Variants in SRFBP1 observed in about 807,000 individuals in gnomAD.
The protein encoded by SRFBP1 is serum response factor-binding protein 1.
Under a neutral mutation model 45.5 loss-of-function variants are expected in SRFBP1, and 47 were observed. The ratio of observed to expected loss-of-function variants is 1.03; its 90% CI spans 0.82 to 1.32. The LOEUF is 1.32. Ranked by LOEUF, SRFBP1 falls within the 40% of genes most tolerant of loss-of-function variation. The probability of loss-of-function intolerance (pLI) is 0.00; values close to 1 mark genes in which losing one functional copy is unlikely to be tolerated. For missense variants in SRFBP1, 621 were observed against 484.6 expected (o/e 1.28, Z -2.64); for synonymous variants, 203 against 166.3 (o/e 1.22, Z -1.70).
At chr5:122,019,467 T>A in intron 5 of SRFBP1, 126 bp downstream of exon 5, 1 of 713,346 alleles carries the variant, frequency 1.4e-6, no homozygotes, top group Non-Finnish European at 2.2e-6. Context: ...TATTTACCAG[T>A]GTGGAAGGTG....
At chr5:121,974,735 A>G (rs923399172) in intron 2 of SRFBP1, among the ~76,000 whole-genome samples, 2 of 151,894 alleles carry the variant, frequency 1.3e-5, no homozygotes, top group South Asian at 4.1e-4. Flanking sequence ...ATTGTGTTCC[A>G]TGTAATTTTT....
chr5:122,058,155 A>G (rs1754114135), intron 2 of SRFBP1, among the ~76,000 whole-genome samples: 1 of 152,164 alleles, frequency 6.6e-6, no homozygotes, highest in Non-Finnish European at 1.5e-5. Context: ...TTATAGGGTA[A>G]TATTATTTAA....
chr5:122,025,772 AT>A (rs1482276935), intron 7 of SRFBP1, among the ~76,000 whole-genome samples: 3 of 152,142 alleles, frequency 2.0e-5, no homozygotes, highest in Non-Finnish European at 4.4e-5. Flanking sequence ...TTTATATAAC[AT>A]TTTTACATTT....
downstream of SRFBP1, among the ~76,000 whole-genome samples, chr5:122,029,526 G>C (rs1257952842): frequency 1.3e-5 from 2 of 152,100 alleles, no homozygotes; most frequent in Admixed American, 1.3e-4. Flanking sequence ...CTTTTTCTGT[G>C]TATTTCCTTC....
At chr5:122,049,468 G>C (rs975309090) in intron 2 of SRFBP1, among the ~76,000 whole-genome samples, 1 of 152,052 alleles carries the variant, frequency 6.6e-6, no homozygotes, top group Non-Finnish European at 1.5e-5. Flanking sequence ...ACAGATCAAC[G>C]AGACAGAAAG....
chr5:122,068,407 CTT>C (rs1377108398), intron 2 of SRFBP1, among the ~76,000 whole-genome samples: 1 of 152,116 alleles, frequency 6.6e-6, no homozygotes, highest in Non-Finnish European at 1.5e-5. Flanking sequence ...AGTTACCAAA[CTT>C]ATAGCAAAGG....
At chr5:121,978,325 G>C (rs1272321601) in intron 3 of SRFBP1, among the ~76,000 whole-genome samples, 1 of 152,082 alleles carries the variant, frequency 6.6e-6, no homozygotes, top group Admixed American at 6.6e-5. Context: ...TCAGTAAGTT[G>C]AGAACATCCT....
rs537117190 is a variant in SRFBP1, at chr5:121,962,660, C to T, written c.36+592C>T. ...TTTTTCTGCTTTTTCAGTCCATTCT[C>T]ATCAGACATTTGTTCTCACCACCGT... On this transcript the variant is annotated intron_variant, in intron 1 of 7. Coordinates refer to ENST00000339397, the MANE Select transcript of SRFBP1 (RefSeq NM_152546.3). Among the ~76,000 whole-genome samples, 9 of 152,310 alleles carry T rather than the reference C, an allele frequency of 5.9e-5. No individual in the cohort carries two copies. The South Asian group carries it at 1.9e-3, about 32-fold the overall frequency.
chr5:122,056,432 G>T (rs1754078715), intron 2 of SRFBP1, among the ~76,000 whole-genome samples: 1 of 152,168 alleles, frequency 6.6e-6, no homozygotes, highest in African/African-American at 2.4e-5. Context: ...CAAGCACTCA[G>T]TAAATATCAG....
chr5:121,987,943 A>C (rs1048680917), intron 3 of SRFBP1, among the ~76,000 whole-genome samples: 40 of 152,098 alleles, frequency 2.6e-4, no homozygotes, highest in Non-Finnish European at 5.6e-4. Context: ...AGGTTGTTCA[A>C]ACAAAGTCCC....
intron 2 of SRFBP1, chr5:122,065,175 G>T (rs777167012): frequency 6.6e-6 from 1 of 151,940 alleles, no homozygotes; most frequent in Non-Finnish European, 1.5e-5. Context: ...CGCTATATCC[G>T]CCAGTTGATG....
At chr5:121,975,724 G>C (rs984666134) in intron 3 of SRFBP1, among the ~76,000 whole-genome samples, 1 of 151,918 alleles carries the variant, frequency 6.6e-6, no homozygotes, top group African/African-American at 2.4e-5. Flanking sequence ...AAGTCTTCAT[G>C]CTATTTGGGA....
At chr5:121,966,130 A>C (rs925698569) in intron 1 of SRFBP1, among the ~76,000 whole-genome samples, 4 of 152,186 alleles carry the variant, frequency 2.6e-5, no homozygotes, top group Non-Finnish European at 5.9e-5. Context: ...TGTCTTCTGC[A>C]AATAGAGACA....
In SRFBP1 at chr5:122,009,261, C is replaced by T. The variant is rs531963837; in HGVS notation, c.271-9999C>T. On this transcript the variant is annotated intron_variant, in intron 4 of 7. Coordinates refer to ENST00000339397, the MANE Select transcript of SRFBP1 (RefSeq NM_152546.3). ...TGGTTTGTTTTCTTAATGATTTATA[C>T]GAGTTCTTTAGATATTTTGGAGTGA... Among the ~76,000 whole-genome samples the T allele has an allele frequency of 1.4e-4, 22 of 151,982 alleles. No homozygotes were observed. In the South Asian group the frequency reaches 4.4e-3, roughly 30 times the overall value.
At chr5:122,023,396 G>A (rs187725814) in intron 7 of SRFBP1, among the ~76,000 whole-genome samples, 18 of 152,250 alleles carry the variant, frequency 1.2e-4, no homozygotes, top group Admixed American at 6.5e-4. Flanking sequence ...CAAATCTCAT[G>A]GATGAGATTC....
chr5:121,966,323 C>G (rs1413551239), intron 1 of SRFBP1, among the ~76,000 whole-genome samples: 3 of 152,146 alleles, frequency 2.0e-5, no homozygotes, highest in Non-Finnish European at 4.4e-5. Context: ...TCACTTTTTA[C>G]TCTATCCTGA....
In SRFBP1 at chr5:122,020,797, T is replaced by C. The variant is rs1239827333; in HGVS notation, c.1062T>C (p.Ser354=). The part of the protein sequence containing the change: ...FFHSLSGSKS[S]RRNFKEQAPK... ...ACTCTTTATCTGGATCTAAAAGCTC[T>C]AGAAGGTAAGATTCTTTTTCTATTC... The change falls in exon 6 of 8, where the codon TCT becomes TCC. Residue 354 remains serine, a synonymous_variant. Transcript: ENST00000339397. 6.5e-7 allele frequency: 1 copy of C among 1,549,504 alleles called. No individual in the cohort carries two copies.
At chr5:122,035,757 C>G (rs1447417430) in intron 2 of SRFBP1, among the ~76,000 whole-genome samples, 1 of 152,100 alleles carries the variant, frequency 6.6e-6, no homozygotes, top group African/African-American at 2.4e-5. Context: ...TGTGTTTTAT[C>G]TTATGTAAGA....
rs143730965 is a variant in SRFBP1 at position 122,027,148 on chromosome 5, T to C, written c.*22T>C. On this transcript the variant is annotated 3_prime_UTR_variant, in exon 8 of 8. Coordinates refer to ENST00000339397, the MANE Select transcript of SRFBP1 (RefSeq NM_152546.3). The stretch of plus-strand genomic sequence containing the variant: ...TTGATTAGTGCCTCTTTCTGCAAAC[T>C]TTTCCATCTAAAAAAAAAAATGTTT... The C allele has an allele frequency of 4.6e-4, 729 of 1,572,044 alleles. 5 individuals carry two copies. The African/African-American group carries it at 9.1e-3, about 20-fold the overall frequency.
Sources: gnomAD v4.1 joint callset for allele counts (sites outside exome capture counted in the v4.1 genomes callset) on GRCh38, gnomAD v4.1.1 for gene constraint, MANE v1.5 for transcripts, NCBI Gene and HGNC (gene_info 2026-07-23, HGNC 2026-07-21) for gene names.